Variants in SRRM3 observed in about 807,000 individuals in gnomAD.
The protein encoded by SRRM3 is serine/arginine repetitive matrix protein 3.
A neutral mutation model predicts 66.2 loss-of-function variants in SRRM3; 27 were observed. That is an observed-to-expected ratio of 0.41 (90% confidence interval 0.30 to 0.56). The LOEUF (loss-of-function observed/expected upper bound fraction) is 0.56, where lower values mean the gene tolerates loss of function less well. SRRM3 is among the 20% of genes least tolerant of loss of function. The pLI is 0.32. For missense variants in SRRM3, 918 were observed against 991.9 expected (o/e 0.93, Z 1.00); for synonymous variants, 391 against 414.9 (o/e 0.94, Z 0.70).
intron 8 of SRRM3, 45 bp downstream of exon 8, chr7:76,261,626 A>G (rs372418131): frequency 6.2e-5 from 98 of 1,590,626 alleles, no homozygotes; most frequent in Non-Finnish European, 7.8e-5. Context: ...TCCCTTAAGG[A>G]CCAAAGCCCA....
intron 11 of SRRM3, among the ~76,000 whole-genome samples, chr7:76,278,215 G>A (rs1802406695): frequency 6.6e-6 from 1 of 151,804 alleles, no homozygotes; most frequent in African/African-American, 2.4e-5. Context: ...GGCCGGGCAC[G>A]ATGGCTCACA....
intron 2 of SRRM3, among the ~76,000 whole-genome samples, chr7:76,237,814 T>C (rs948748757): frequency 2.0e-5 from 3 of 151,890 alleles, no homozygotes; most frequent in Non-Finnish European, 2.9e-5. Context: ...TACTTTCCCA[T>C]CCTGAAAGCC....
intron 1 of SRRM3, among the ~76,000 whole-genome samples, chr7:76,231,159 G>A (rs1409305394): frequency 6.6e-6 from 1 of 152,144 alleles, no homozygotes; most frequent in African/African-American, 2.4e-5. Flanking sequence ...TGACTTGGAA[G>A]GAAATGGGCT....
At chr7:76,239,115 C>A (rs1265767424) in intron 2 of SRRM3, among the ~76,000 whole-genome samples, 1 of 152,088 alleles carries the variant, frequency 6.6e-6, no homozygotes, top group Non-Finnish European at 1.5e-5. Context: ...TTACTGCAAC[C>A]TCCACCTCCC....
chr7:76,266,265 T>TATAA (rs1563635072), intron 10 of SRRM3, among the ~76,000 whole-genome samples: 1 of 121,544 alleles, frequency 8.2e-6, no homozygotes, highest in African/African-American at 3.4e-5. Flanking sequence ...TTAATATATT[T>TATAA]ATATTTAATT....
At chr7:76,205,682 T>G (rs1324967325) in intron 1 of SRRM3, among the ~76,000 whole-genome samples, 1 of 152,242 alleles carries the variant, frequency 6.6e-6, no homozygotes, top group Non-Finnish European at 1.5e-5. Flanking sequence ...GCATCTTCAG[T>G]GTCCCTGCAG....
intron 11 of SRRM3, 40 bp from the exon 12 acceptor site, chr7:76,281,401 T>C (rs1583945149): frequency 1.7e-6 from 2 of 1,194,342 alleles, no homozygotes; most frequent in Non-Finnish European, 1.0e-6. Flanking sequence ...CTCGTCTCCC[T>C]CTCCCCCCTC....
At chr7:76,225,420 G>A (rs1190890196) in intron 1 of SRRM3, among the ~76,000 whole-genome samples, 1 of 130,850 alleles carries the variant, frequency 7.6e-6, no homozygotes, top group Non-Finnish European at 1.8e-5. Flanking sequence ...GCCTCTGGCT[G>A]GCAAGGCCAG....
At chr7:76,222,950 C>G (rs1440170291) in intron 1 of SRRM3, among the ~76,000 whole-genome samples, 10 of 152,098 alleles carry the variant, frequency 6.6e-5, no homozygotes, top group Non-Finnish European at 8.8e-5. Context: ...CCTCTCCATG[C>G]CTTCTTCCTG....
At chr7:76,249,455 G>T (rs1801520105) in intron 3 of SRRM3, among the ~76,000 whole-genome samples, 1 of 152,248 alleles carries the variant, frequency 6.6e-6, no homozygotes, top group Non-Finnish European at 1.5e-5. Flanking sequence ...AGGCACACCG[G>T]TTTGCCGTGG....
chr7:76,215,094 T>A (rs1554602363), intron 1 of SRRM3, among the ~76,000 whole-genome samples: 1 of 149,414 alleles, frequency 6.7e-6, no homozygotes, highest in Non-Finnish European at 1.5e-5. Flanking sequence ...AGATAAAATA[T>A]GCAAAATATT....
chr7:76,246,646 C>T (rs546774398), intron 2 of SRRM3, among the ~76,000 whole-genome samples: 65 of 152,320 alleles, frequency 4.3e-4, no homozygotes, highest in Non-Finnish European at 8.5e-4. Context: ...GTTGAACCAA[C>T]TCGGAGGCCT....
chr7:76,213,866 C>T (rs936735466), intron 1 of SRRM3, among the ~76,000 whole-genome samples: 12 of 151,970 alleles, frequency 7.9e-5, no homozygotes, highest in Non-Finnish European at 1.5e-4. Context: ...AACTCCCAGG[C>T]TTAAGCGATC....
In SRRM3 at chr7:76,281,684, G is replaced by T. The variant is rs1485591168; in HGVS notation, c.1252G>T (p.Gly418Cys). ...RRRPRPAPPRGSSRSLSRARS... is the reference protein window; with the variant it reads ...RRRPRPAPPRCSSRSLSRARS... The stretch of plus-strand genomic sequence containing the variant: ...GCGCCCCCGGCCCGCGCCCCCCCGG[G>T]GCTCGTCGCGCTCGCTCAGCAGGGC... Residue 418 changes from glycine to cysteine, a missense_variant, in exon 12 of 15, where the codon GGC becomes TGC. Transcript: ENST00000611745. 6.2e-5 allele frequency: 64 copies of T among 1,028,926 alleles called. No individual in the cohort carries two copies. The highest frequency in any genetic ancestry group is 7.3e-5 in the Non-Finnish European group (63 of 858,222). The allele number at this position is 1,028,926 out of a possible 1,614,324, so 63.7% of individuals were successfully genotyped here. A position where few individuals can be genotyped will look rare whatever the true frequency, so the allele number is the denominator to read the frequency against.
At chr7:76,244,143 G>T (rs1169834964) in intron 2 of SRRM3, among the ~76,000 whole-genome samples, 1 of 152,128 alleles carries the variant, frequency 6.6e-6, no homozygotes, top group African/African-American at 2.4e-5. Context: ...ACCAGGCCAG[G>T]ACCCAGCCCT....
At chr7:76,216,985 T>C (rs1800585533) in intron 1 of SRRM3, among the ~76,000 whole-genome samples, 1 of 152,152 alleles carries the variant, frequency 6.6e-6, no homozygotes, top group Non-Finnish European at 1.5e-5. Flanking sequence ...ATAGAGGGAA[T>C]GTTCCATAAT....
chr7:76,258,062 C>T (rs1554607987), intron 3 of SRRM3, among the ~76,000 whole-genome samples: 3 of 152,102 alleles, frequency 2.0e-5, no homozygotes, highest in African/African-American at 7.2e-5. Flanking sequence ...GCTGGGGCTG[C>T]GGGAGCAGGG....
chr7:76,209,950 T>A (rs1800389105), intron 1 of SRRM3, among the ~76,000 whole-genome samples: 1 of 152,188 alleles, frequency 6.6e-6, no homozygotes, highest in Admixed American at 6.5e-5. Flanking sequence ...TTATAAGCTC[T>A]GGAGCAATGC....
At chr7:76,272,431 G>T (rs1409122031) in intron 11 of SRRM3, among the ~76,000 whole-genome samples, 6 of 152,084 alleles carry the variant, frequency 3.9e-5, no homozygotes, top group Non-Finnish European at 8.8e-5. Context: ...AGCCAGATGT[G>T]ATGGTGCATG....
Sources: gnomAD v4.1 joint callset for allele counts (sites outside exome capture counted in the v4.1 genomes callset) on GRCh38, gnomAD v4.1.1 for gene constraint, MANE v1.5 for transcripts, NCBI Gene and HGNC (gene_info 2026-07-23, HGNC 2026-07-21) for gene names.